PKHD1L1: variants seen among roughly 807,000 people sequenced by gnomAD.
PKHD1L1 encodes the protein PKHD1 like 1, also known as fibrocystin-L.
PKHD1L1 carries 434 observed loss-of-function variants against 462.9 expected under a neutral mutation model. The observed-to-expected ratio is 0.94, with a 90% CI of 0.87 to 1.02. The LOEUF (loss-of-function observed/expected upper bound fraction) is 1.02. Among genes scored for constraint, PKHD1L1 ranks in the 50% least tolerant of loss-of-function variants. The pLI is 0.00. For missense variants in PKHD1L1, 5,202 were observed against 5,096.1 expected (o/e 1.02, Z -0.63); for synonymous variants, 1,781 against 1,750.0 (o/e 1.02, Z -0.44).
intron 40 of PKHD1L1, among the ~76,000 whole-genome samples, chr8:109,450,484 A>G (rs1408130717): frequency 6.6e-6 from 1 of 152,116 alleles, no homozygotes; most frequent in Non-Finnish European, 1.5e-5. Flanking sequence ...AAAAATATAT[A>G]TATATATAGC....
intron 76 of PKHD1L1, among the ~76,000 whole-genome samples, chr8:109,524,659 A>G (rs1820723827): frequency 6.6e-6 from 1 of 152,216 alleles, no homozygotes; most frequent in South Asian, 2.1e-4. Context: ...ACAAAATAAT[A>G]ATTTAAGCAT....
At position 109,441,232 on chromosome 8, in the gene PKHD1L1, A is replaced by G. The variant is rs777454641; in HGVS notation, c.4100-43A>G. On this transcript the variant is annotated intron_variant, in intron 33 of 77. Transcript: ENST00000378402. The stretch of plus-strand genomic sequence containing the variant: ...ATAATTCACAAAAAAAAATTTGACA[A>G]AATGTTTGCTTTTTAAAAATATGCA... 44 of 1,341,736 alleles carry G rather than the reference A, an allele frequency of 3.3e-5. No homozygotes were observed. In the Middle Eastern group the frequency reaches 7.5e-4, roughly 23 times the overall value. The allele number at this position is 1,341,736 out of a possible 1,614,324, so 83.1% of individuals were successfully genotyped here. A position where few individuals can be genotyped will look rare whatever the true frequency, so the allele number is the denominator to read the frequency against.
chr8:109,498,798 T>C (rs772767292), intron 67 of PKHD1L1, 27 bp downstream of exon 67: 1 of 1,519,046 alleles, frequency 6.6e-7, no homozygotes, highest in South Asian at 1.2e-5. Context: ...TTACAAATCT[T>C]CTCAATTAAT....
chr8:109,371,879 A>G (rs376314210), intron 2 of PKHD1L1, among the ~76,000 whole-genome samples: 7 of 151,968 alleles, frequency 4.6e-5, no homozygotes, highest in African/African-American at 1.7e-4. Context: ...GTTTTGGTAC[A>G]AGTACCATGC....
intron 38 of PKHD1L1, among the ~76,000 whole-genome samples, chr8:109,447,216 C>T (rs1326731133): frequency 6.6e-6 from 1 of 152,108 alleles, no homozygotes; most frequent in East Asian, 1.9e-4. Context: ...GAGCGAGACT[C>T]CATCTCCGAA....
At chr8:109,442,813 T>C (rs2130746425) in intron 35 of PKHD1L1, 133 bp from the exon 36 acceptor site, 1 of 827,366 alleles carries the variant, frequency 1.2e-6, no homozygotes, top group Non-Finnish European at 1.9e-6. Flanking sequence ...TCTGTTGACA[T>C]TTCATACACA....
intron 23 of PKHD1L1, among the ~76,000 whole-genome samples, chr8:109,421,734 A>G (rs1814482697): frequency 6.6e-6 from 1 of 152,200 alleles, no homozygotes; most frequent in Non-Finnish European, 1.5e-5. Flanking sequence ...CAGTGAGCGG[A>G]GATCGCGCCA....
chr8:109,424,513 G>A (rs1482208182), intron 23 of PKHD1L1, among the ~76,000 whole-genome samples: 1 of 152,054 alleles, frequency 6.6e-6, no homozygotes, highest in East Asian at 1.9e-4. Context: ...TCATCAACAG[G>A]AGAATATAAT....
rs565425084 is a variant in PKHD1L1 at position 109,514,215 on chromosome 8, C to T, written c.11554-955C>T. On this transcript the variant is annotated intron_variant, in intron 71 of 77. Coordinates refer to ENST00000378402, the MANE Select transcript of PKHD1L1 (RefSeq NM_177531.6). ...ATTCTTCCCTAAGTGGCTAAAGTTC[C>T]GCTCTCCTCAGATTCCACTTTCTCA... is the stretch of plus-strand genomic sequence containing the variant. Among the ~76,000 whole-genome samples the T allele has an allele frequency of 4.6e-5, 7 of 152,232 alleles. No homozygotes were observed. The East Asian group carries it at 5.8e-4, about 13-fold the overall frequency.
At chr8:109,480,250 C>T in intron 55 of PKHD1L1, 111 bp downstream of exon 55, 1 of 1,146,450 alleles carries the variant, frequency 8.7e-7, no homozygotes, top group South Asian at 1.5e-5. Context: ...AAAAACACAA[C>T]TGGCTCTATC....
chr8:109,491,509 AT>A (rs1429582458), intron 61 of PKHD1L1, among the ~76,000 whole-genome samples: 15 of 151,976 alleles, frequency 9.9e-5, no homozygotes, highest in Non-Finnish European at 1.9e-4. Context: ...ATTATTACAA[AT>A]AAAGGTTATA....
rs77766145 is a variant in PKHD1L1, at chr8:109,394,468, T to C, written c.794T>C (p.Met265Thr). Residue 265 changes from methionine (M) to threonine (T), a missense_variant, in exon 10 of 78, where the codon ATG (methionine) becomes ACG (threonine). This residue lies in a region of PKHD1L1 where 4,497 missense variants were observed against 4,336.8 expected (regional missense o/e 1.04). Coordinates refer to ENST00000378402, the MANE Select transcript of PKHD1L1 (RefSeq NM_177531.6). ...GTTTCTTCTCTCAATAAAATTGCAA[T>C]GTTTCAAACATATGCAGGTATGTGA... ...YFVSSLNKIA[M>T]FQTYAEVTMI... The C allele has an allele frequency of 0.013, 20,402 of 1,526,492 alleles. 162 individuals carry two copies. The highest frequency in any genetic ancestry group is 0.016 in the Non-Finnish European group (17,748 of 1,131,346). 94.6% of individuals were successfully genotyped at this position (1,526,492 alleles called of 1,614,324 possible).
chr8:109,515,322 A>C lies in PKHD1L1; in HGVS notation c.11689+17A>C. 6.6e-7 allele frequency: 1 copy of C among 1,504,982 alleles called. No individual in the cohort carries two copies. The allele number at this position is 1,504,982 out of a possible 1,614,324, so 93.2% of individuals were successfully genotyped here. ...TGTACAAAGGTATTGTCTCAGAAAA[A>C]ATACAGTACACATGGAAAATGTACT... On this transcript the variant is annotated intron_variant, in intron 72 of 77. Coordinates refer to ENST00000378402, the MANE Select transcript of PKHD1L1 (RefSeq NM_177531.6).
At chr8:109,366,238 A>T (rs78473898) in intron 2 of PKHD1L1, among the ~76,000 whole-genome samples, 2 of 152,154 alleles carry the variant, frequency 1.3e-5, no homozygotes, top group Non-Finnish European at 2.9e-5. Flanking sequence ...TCATTTGGTA[A>T]ATTTCTACTT....
chr8:109,377,637 G>A (rs927203781), intron 2 of PKHD1L1, among the ~76,000 whole-genome samples: 1 of 152,102 alleles, frequency 6.6e-6, no homozygotes, highest in Admixed American at 6.5e-5. Context: ...AGTAATCTGG[G>A]CAAAAGCTGT....
In PKHD1L1 at chr8:109,364,557, A is replaced by G. The variant is rs1586352132; in HGVS notation, c.84A>G (p.Gln28=). ...CAADPSTDGS[Q]IIPKVTEIIP... is the part of the protein sequence containing the mutation. ...TTTAATATTTTTCAGATGGCTCTCAAATAATCCCCAAAGTCACAGAAATAA... is the reference window on the plus strand; with the variant it reads ...TTTAATATTTTTCAGATGGCTCTCAGATAATCCCCAAAGTCACAGAAATAA... Residue 28 remains glutamine (Q), a synonymous_variant, in exon 2 of 78, where the codon CAA becomes CAG. Transcript: ENST00000378402. 3.1e-6 allele frequency: 5 copies of G among 1,595,592 alleles called. No homozygotes were observed. Among genetic ancestry groups the G allele is most frequent in the East Asian group, 2.2e-5 (1 of 44,712 alleles).
intron 11 of PKHD1L1, 79 bp from the exon 12 acceptor site, chr8:109,398,380 A>G: frequency 1.1e-6 from 1 of 904,234 alleles, no homozygotes; most frequent in Non-Finnish European, 1.8e-6. Flanking sequence ...TTTAATTGCA[A>G]AAGTGCTTAA....
chr8:109,422,225 G>A (rs1814511251), intron 23 of PKHD1L1, among the ~76,000 whole-genome samples: 1 of 152,096 alleles, frequency 6.6e-6, no homozygotes, highest in Admixed American at 6.5e-5. Flanking sequence ...AGGGTTGTGT[G>A]TGTGTGTGTG....
At chr8:109,415,299 C>T (rs895395598) in intron 21 of PKHD1L1, among the ~76,000 whole-genome samples, 1 of 152,148 alleles carries the variant, frequency 6.6e-6, no homozygotes, top group South Asian at 2.1e-4. Context: ...AGACACCATG[C>T]CTGGCCCCCA....
Sources: allele counts gnomAD v4.1 joint callset (sites outside exome capture counted in the v4.1 genomes callset), GRCh38; gene constraint gnomAD v4.1.1; regional missense constraint gnomAD v4.1.1; transcripts MANE v1.5; gene names NCBI Gene and HGNC (gene_info 2026-07-23, HGNC 2026-07-21).